NCL: variants seen among roughly 807,000 people sequenced by gnomAD.
The protein encoded by NCL is nucleolin multifunctional protein.
NCL carries 4 observed loss-of-function variants against 77.7 expected under a neutral mutation model. That is an observed-to-expected ratio of 0.05 (90% CI 0.03 to 0.12). The LOEUF is 0.12. Among genes scored for constraint, NCL ranks in the 10% least tolerant of loss-of-function variants. The pLI is 1.00. For synonymous variants in NCL, 344 were observed against 297.8 expected (o/e 1.16, Z -1.60); for missense variants, 763 against 860.9 (o/e 0.89, Z 1.42).
intron 2 of NCL, 116 bp from the exon 3 acceptor site, chr2:231,462,133 T>C (rs1388031100): frequency 4.0e-6 from 5 of 1,262,822 alleles, no homozygotes; most frequent in Non-Finnish European, 5.7e-6. Context: ...CCACATGCAC[T>C]AGACACATTA....
chr2:231,460,711 CA>C lies in NCL; in HGVS notation c.768del (p.Asp256GlufsTer59), dbSNP rs1389578984. On this transcript the variant is annotated frameshift_variant, in exon 4 of 14. Coordinates refer to ENST00000322723, the MANE Select transcript of NCL (RefSeq NM_005381.3). LOFTEE classifies it high-confidence loss of function. Reference sequence around the variant, plus strand: ...TCCTCCTCCTCATCATCTTCATCATCATCATCTTCATCATCTTCGTCGTCGT... The same window carrying C: ...TCCTCCTCCTCATCATCTTCATCATCTCATCTTCATCATCTTCGTCGTCGT... ...DDDDDEDDEDDDDEDDEEEEE... is the reference protein window; with the variant it reads ...DDDDDEDDEDXDDEDDEEEEE... The C allele has an allele frequency of 1.2e-6, 2 of 1,611,702 alleles. No individual in the cohort carries two copies. Among genetic ancestry groups the C allele is most frequent in the African/African-American group, 1.3e-5 (1 of 74,816 alleles).
intron 8 of NCL, 21 bp downstream of exon 8, chr2:231,458,245 A>G (rs748365156): frequency 6.3e-7 from 1 of 1,598,108 alleles, no homozygotes; most frequent in Non-Finnish European, 8.5e-7. Context: ...AAACCCTTAC[A>G]TTTCAATAGA....
chr2:231,457,288 A>C, intron 9 of NCL, 164 bp from the exon 10 acceptor site: 1 of 992,568 alleles, frequency 1.0e-6, no homozygotes. Context: ...TTAAGTACCT[A>C]GTACGTGTTG....
rs755358839 is a variant in NCL, at chr2:231,455,561, G to A, written c.1896C>T (p.Asp632=). The part of the protein sequence containing the change: ...DAKAAKEAME[D]GEIDGNKVTL... Reference sequence around the variant, plus strand: ...TAACTTTATTTCCATCAATTTCACCGTCTTCCATGGCCTCCTTGGCAGCTT... The same window carrying A: ...TAACTTTATTTCCATCAATTTCACCATCTTCCATGGCCTCCTTGGCAGCTT... The change falls in exon 13 of 14, where the codon GAC becomes GAT. Residue 632 remains aspartate (D), a synonymous_variant. Transcript: ENST00000322723. 4.8e-5 allele frequency: 78 copies of A among 1,613,978 alleles called. No homozygotes were observed. Among genetic ancestry groups the A allele is most frequent in the Middle Eastern group, 1.6e-4 (1 of 6,084 alleles).
Position 231,462,132 on chromosome 2 carries a change from C to T in NCL, c.136-115G>A. ...TGCCTCTGGTTCAAGACCACATGCACTAGACACATTAGCATGTTAAACTCC... is the reference window on the plus strand; with the variant it reads ...TGCCTCTGGTTCAAGACCACATGCATTAGACACATTAGCATGTTAAACTCC... On this transcript the variant is annotated intron_variant, in intron 2 of 13. Coordinates refer to ENST00000322723, the MANE Select transcript of NCL (RefSeq NM_005381.3). The T allele has an allele frequency of 4.7e-6, 6 of 1,284,340 alleles. No individual in the cohort carries two copies. In the Admixed American group the frequency reaches 1.0e-4, roughly 22 times the overall value. The allele number at this position is 1,284,340 out of a possible 1,614,324, so 79.6% of individuals were successfully genotyped here.
At chr2:231,457,938 G>A in intron 8 of NCL, 138 bp from the exon 9 acceptor site, 4 of 844,940 alleles carry the variant, frequency 4.7e-6, no homozygotes, top group South Asian at 5.5e-5. Context: ...ATCAAAACTC[G>A]AGCTTCCCTC....
rs2046863270 is a variant in NCL at position 231,454,481 on chromosome 2, T to G, written c.*710A>C. 3 of 152,336 alleles carry G rather than the reference T, an allele frequency of 2.0e-5. No homozygotes were observed. The highest frequency in any genetic ancestry group is 4.4e-5 in the Non-Finnish European group (3 of 68,136). The allele number at this position is 152,336 out of a possible 1,614,324, so 9.4% of individuals were successfully genotyped here. On this transcript the variant is annotated 3_prime_UTR_variant, in exon 14 of 14. Coordinates refer to ENST00000322723, the MANE Select transcript of NCL (RefSeq NM_005381.3). ...CTTGTCCTAGGAAACCTGACTAATC[T>G]GTTCCTGCACCTCTTTCCAGAGTGG...
In NCL at chr2:231,456,646, G is replaced by A. The variant is rs1349798239; in HGVS notation, c.1690C>T (p.Pro564Ser). ...RLELQGPRGS[P>S]NARSQPSKTL... is the part of the protein sequence containing the mutation. ...GTGAACTTACGGCTTCTGGCATTAGGTGATCCCCTGGGTCCTTGCAACTCC... is the reference window on the plus strand; with the variant it reads ...GTGAACTTACGGCTTCTGGCATTAGATGATCCCCTGGGTCCTTGCAACTCC... The change falls in exon 11 of 14, where the codon CCT becomes TCT. Residue 564 changes from proline to serine, a missense_variant. Physicochemically the swap from Pro to Ser is moderately conservative, Grantham distance 74. Coordinates refer to ENST00000322723, the MANE Select transcript of NCL (RefSeq NM_005381.3). The A allele has an allele frequency of 1.9e-6, 3 of 1,613,940 alleles. No homozygotes were observed. The highest frequency in any genetic ancestry group is 1.3e-5 in the African/African-American group (1 of 74,870).
intron 6 of NCL, 140 bp downstream of exon 6, chr2:231,460,012 A>G: frequency 1.0e-6 from 1 of 998,170 alleles, no homozygotes; most frequent in Non-Finnish European, 1.5e-6. Context: ...GTTTAATTCT[A>G]ACTTAGTTCA....
chr2:231,463,581 G>T, intron 1 of NCL: 4 of 450,108 alleles, frequency 8.9e-6, no homozygotes, highest in Non-Finnish European at 1.2e-5. Flanking sequence ...TTCTCCTCCC[G>T]TTACCTTAGT....
chr2:231,457,624 A>G lies in NCL; in HGVS notation c.1447+19T>C, dbSNP rs548863602. 1.9e-5 allele frequency: 30 copies of G among 1,574,406 alleles called. No individual in the cohort carries two copies. In the African/African-American group the frequency reaches 1.9e-4, roughly 10 times the overall value. ...CCCTCCACCAATTCTGAAACCTTGT[A>G]ACAAGCCTAATTTCTTACCACTCCA... On this transcript the variant is annotated intron_variant, in intron 9 of 13. Coordinates refer to ENST00000322723, the MANE Select transcript of NCL (RefSeq NM_005381.3).
chr2:231,464,448 A>G lies in NCL; in HGVS notation c.-95T>C, dbSNP rs2046981722. The G allele has an allele frequency of 3.3e-6, 5 of 1,496,360 alleles. No homozygotes were observed. Among genetic ancestry groups the G allele is most frequent in the African/African-American group, 1.4e-5 (1 of 71,936 alleles). The allele number at this position is 1,496,360 out of a possible 1,614,324, so 92.7% of individuals were successfully genotyped here. A position where few individuals can be genotyped will look rare whatever the true frequency, so the allele number is the denominator to read the frequency against. ...CGGCCGCGGGTGCTGAAGATCCCGG[A>G]GCACGTACACCCGAAGGCCAGCGAG... On this transcript the variant is annotated 5_prime_UTR_variant, in exon 1 of 14. Transcript: ENST00000322723.
intron 1 of NCL, chr2:231,463,656 C>T (rs2046972681): frequency 1.2e-5 from 3 of 254,236 alleles, no homozygotes; most frequent in South Asian, 1.1e-4. Context: ...CATCTGAATC[C>T]AAATTAACGG....
intron 4 of NCL, 42 bp from the exon 5 acceptor site, chr2:231,460,606 C>A: frequency 6.2e-7 from 1 of 1,614,154 alleles, no homozygotes; most frequent in Non-Finnish European, 8.5e-7. Context: ...TCAGTAGCCA[C>A]AAACACTTAA....
intron 1 of NCL, chr2:231,464,047 CAA>C (rs559678335): frequency 1.8e-5 from 21 of 1,191,832 alleles, no homozygotes; most frequent in Non-Finnish European, 2.1e-5. Flanking sequence ...GTACGCGTCG[CAA>C]AAGTTTGGTC....
rs770835396 is a variant in NCL, at chr2:231,457,761, C to G, written c.1329G>C (p.Glu443Asp). ...TTCCCTGCTTTTCTTCAAAGGTTTT[C>G]TCTGCATCAGCTTCTGTCTTAAATT... Reference protein sequence around the residue: ...YIEFKTEADAEKTFEEKQGTE... With the variant: ...YIEFKTEADADKTFEEKQGTE... The change falls in exon 9 of 14, where the codon GAG becomes GAC. Residue 443 changes from glutamate to aspartate, a missense_variant. Physicochemically the swap from Glu to Asp is conservative, Grantham distance 45. Around this residue, in one of 2 missense-constraint regions of NCL, gnomAD observed 590 missense variants for 570.5 expected, o/e 1.03. Coordinates refer to ENST00000322723, the MANE Select transcript of NCL (RefSeq NM_005381.3). 3.1e-6 allele frequency: 5 copies of G among 1,612,860 alleles called. No homozygotes were observed. The South Asian group carries it at 5.5e-5, about 18-fold the overall frequency.
intron 2 of NCL, chr2:231,462,569 T>G: frequency 1.9e-6 from 1 of 515,714 alleles, no homozygotes; most frequent in South Asian, 1.4e-5. Context: ...AAAGTCATCA[T>G]TTAGCTACAT....
chr2:231,457,534 A>C, intron 9 of NCL, 109 bp downstream of exon 9: 1 of 1,139,030 alleles, frequency 8.8e-7, no homozygotes, highest in East Asian at 2.4e-5. Context: ...ATCTTCACCT[A>C]CATTTGAGTA....
intron 12 of NCL, 138 bp from the exon 13 acceptor site, chr2:231,455,762 T>C (rs1273821465): frequency 1.7e-6 from 2 of 1,205,792 alleles, no homozygotes; most frequent in East Asian, 4.6e-5. Flanking sequence ...AGAGTAGCTC[T>C]CTATGGAAAA....
Sources: gnomAD v4.1 joint callset for allele counts on GRCh38, gnomAD v4.1.1 for gene constraint, gnomAD v4.1.1 regional missense constraint, MANE v1.5 for transcripts, NCBI Gene and HGNC (gene_info 2026-07-23, HGNC 2026-07-21) for gene names.